Variants in TRMT9B observed in about 807,000 individuals in gnomAD.
The protein encoded by TRMT9B is tRNA methyltransferase 9B (putative).
In TRMT9B, 16 loss-of-function variants were observed where a neutral mutation model predicts 11.5. The ratio of observed to expected loss-of-function variants is 1.39; its 90% CI spans 0.94 to 2.11. The LOEUF is 2.11. TRMT9B is among the 30% of genes most tolerant of loss of function. TRMT9B has a pLI of 0.00. For synonymous variants in TRMT9B, 274 were observed against 192.4 expected (o/e 1.42, Z -3.51); for missense variants, 941 against 553.8 (o/e 1.70, Z -7.02).
At chr8:12,992,058 C>G (rs956194484) in intron 2 of TRMT9B, among the ~76,000 whole-genome samples, 1 of 152,164 alleles carries the variant, frequency 6.6e-6, no homozygotes, top group Non-Finnish European at 1.5e-5. Context: ...GGATTTATAA[C>G]CAAAGAGTCA....
Position 12,996,724 on chromosome 8 carries a change from C to T in TRMT9B, c.-2+5693C>T, listed in dbSNP as rs564987061. ...GGTTTTAATTGAAATATACATGGAC[C>T]AAAGTGCATATATCATAAATGTACA... On this transcript the variant is annotated intron_variant, in intron 2 of 4. Transcript: ENST00000524591. 3.3e-5 allele frequency among the ~76,000 whole-genome samples: 5 copies of T among 152,220 alleles called. No homozygotes were observed. The East Asian group carries it at 9.7e-4, about 29-fold the overall frequency.
chr8:13,020,024 A>G (rs1271136396), intron 4 of TRMT9B, among the ~76,000 whole-genome samples: 2 of 152,250 alleles, frequency 1.3e-5, no homozygotes, highest in Admixed American at 6.5e-5. Flanking sequence ...TGATCTGTAC[A>G]CAACCCCATT....
chr8:12,949,766 A>G (rs185245742), intron 1 of TRMT9B, among the ~76,000 whole-genome samples: 87 of 152,322 alleles, frequency 5.7e-4, no homozygotes, highest in African/African-American at 1.8e-3. Context: ...GGGGCCTATT[A>G]CCTACAAAAG....
At chr8:12,966,529 A>G (rs546908653) in intron 1 of TRMT9B, among the ~76,000 whole-genome samples, 1 of 152,364 alleles carries the variant, frequency 6.6e-6, no homozygotes, top group African/African-American at 2.4e-5. Context: ...CTATTTAGAT[A>G]GACATAAAAG....
At chr8:12,980,543 TC>T (rs1563352142) in intron 1 of TRMT9B, among the ~76,000 whole-genome samples, 2 of 151,812 alleles carry the variant, frequency 1.3e-5, no homozygotes, top group East Asian at 3.9e-4. Flanking sequence ...AGGTTCTGCA[TC>T]CCCCCAGCAC....
In TRMT9B at chr8:13,023,977, G is replaced by T. The variant is rs1203731310; in HGVS notation, c.*1933G>T. On this transcript the variant is annotated 3_prime_UTR_variant, in exon 5 of 5. Coordinates refer to ENST00000524591, the MANE Select transcript of TRMT9B (RefSeq NM_020844.3). ...ACTGTTCAGTGTACATCCTGCAGTA[G>T]TGGATGATTGAAAACATATATAAGT... 6.0e-6 allele frequency: 1 copy of T among 165,834 alleles called. No individual in the cohort carries two copies. Among genetic ancestry groups the T allele is most frequent in the South Asian group, 2.1e-4 (1 of 4,770 alleles). The allele number at this position is 165,834 out of a possible 1,614,324, so 10.3% of individuals were successfully genotyped here.
rs1814353529 is a variant in TRMT9B at position 13,024,037 on chromosome 8, A to ATTT, written c.*1994_*1996dup. 3 of 75,096 alleles carry ATTT rather than the reference A, an allele frequency of 4.0e-5. No individual in the cohort carries two copies. Among genetic ancestry groups the ATTT allele is most frequent in the Non-Finnish European group, 2.9e-5 (1 of 34,648 alleles). The allele number at this position is 75,096 out of a possible 1,614,324, so 4.7% of individuals were successfully genotyped here. A position where few individuals can be genotyped will look rare whatever the true frequency, so the allele number is the denominator to read the frequency against. On this transcript the variant is annotated 3_prime_UTR_variant, in exon 5 of 5. Coordinates refer to ENST00000524591, the MANE Select transcript of TRMT9B (RefSeq NM_020844.3). Reference sequence around the variant, plus strand: ...ATTAAAAATTAATTTGGTTTCTTCTATTTCTTTTTTTTTTTTTTTTTTTTG... The same window carrying ATTT: ...ATTAAAAATTAATTTGGTTTCTTCTATTTTTTCTTTTTTTTTTTTTTTTTTTTG...
At chr8:12,980,569 T>G (rs1353648532) in intron 1 of TRMT9B, among the ~76,000 whole-genome samples, 1 of 151,592 alleles carries the variant, frequency 6.6e-6, no homozygotes, top group East Asian at 1.9e-4. Flanking sequence ...CACTACAGAG[T>G]TGAGTAGAAA....
At chr8:12,950,581 T>C (rs1226553935) in intron 1 of TRMT9B, among the ~76,000 whole-genome samples, 2 of 140,062 alleles carry the variant, frequency 1.4e-5, no homozygotes, top group Admixed American at 1.4e-4. Flanking sequence ...GTGAGGCCTT[T>C]ACAGAAAAAG....
chr8:12,952,070 G>A (rs1314871730), intron 1 of TRMT9B: 2 of 364,828 alleles, frequency 5.5e-6, no homozygotes, highest in Middle Eastern at 3.7e-4. Flanking sequence ...TAGGTCAAGG[G>A]GTGGAAGTTA....
intron 4 of TRMT9B, 62 bp downstream of exon 4, chr8:13,012,919 G>A (rs1811926570): frequency 5.8e-6 from 9 of 1,563,552 alleles, no homozygotes; most frequent in East Asian, 4.5e-5. Flanking sequence ...GGTTTAGTCC[G>A]TTCTCATGAC....
At chr8:12,955,758 T>A (rs2128858905) in intron 1 of TRMT9B, among the ~76,000 whole-genome samples, 1 of 152,304 alleles carries the variant, frequency 6.6e-6, no homozygotes, top group East Asian at 1.9e-4. Context: ...AATATGAGAA[T>A]TAGATGCTCA....
intron 3 of TRMT9B, 175 bp downstream of exon 3, chr8:13,006,531 C>G (rs71522321): frequency 0.12 from 166,401 of 1,437,788 alleles, 10,252 homozygotes; most frequent in African/African-American, 0.2. Context: ...TTGCTTTTCA[C>G]ATTGATTTTT....
chr8:12,952,806 C>G, intron 1 of TRMT9B: 1 of 397,552 alleles, frequency 2.5e-6, no homozygotes, highest in Non-Finnish European at 3.4e-6. Context: ...ATGGCACGAT[C>G]TCGGCTCACT....
chr8:12,984,907 CTT>C (rs377671821), intron 1 of TRMT9B, among the ~76,000 whole-genome samples: 5 of 151,608 alleles, frequency 3.3e-5, no homozygotes, highest in African/African-American at 9.7e-5. Flanking sequence ...TGTGAGCTCT[CTT>C]TTCCGAATTT....
intron 3 of TRMT9B, among the ~76,000 whole-genome samples, chr8:13,007,972 G>T (rs1810808920): frequency 1.3e-5 from 2 of 152,124 alleles, no homozygotes; most frequent in Non-Finnish European, 2.9e-5. Context: ...ACAGTTGATT[G>T]CCATTATTCA....
chr8:12,978,394 C>G (rs576895396), intron 1 of TRMT9B, among the ~76,000 whole-genome samples: 2 of 152,296 alleles, frequency 1.3e-5, no homozygotes, highest in South Asian at 4.1e-4. Context: ...TATTTTCCAA[C>G]TTTCTCTAAT....
chr8:12,972,661 G>T lies in TRMT9B; in HGVS notation c.-199-18173G>T, dbSNP rs1271633975. The stretch of plus-strand genomic sequence containing the variant: ...CAGAGTCCCGCCCTCTCCACACAAA[G>T]CGGTGTGTAGGAGGGAGTGTTTGGA... On this transcript the variant is annotated intron_variant, in intron 1 of 4. Transcript: ENST00000524591. Among the ~76,000 whole-genome samples, 3 of 152,102 alleles carry T rather than the reference G, an allele frequency of 2.0e-5. No homozygotes were observed. The East Asian group carries it at 5.8e-4, about 29-fold the overall frequency.
At chr8:13,009,592 T>C (rs985147268) in intron 3 of TRMT9B, among the ~76,000 whole-genome samples, 5 of 152,172 alleles carry the variant, frequency 3.3e-5, no homozygotes, top group African/African-American at 1.2e-4. Flanking sequence ...ATAAGCGTAT[T>C]TGTGCCTGTG....
Sources: allele counts gnomAD v4.1 joint callset (sites outside exome capture counted in the v4.1 genomes callset), GRCh38; gene constraint gnomAD v4.1.1; transcripts MANE v1.5; gene names NCBI Gene and HGNC (gene_info 2026-07-23, HGNC 2026-07-21).